The following ALK variants were observed in gnomAD, a reference collection of about 807,000 sequenced individuals.
ALK encodes the protein ALK receptor tyrosine kinase.
In ALK, 74 loss-of-function variants were observed where a neutral mutation model predicts 163.1. The observed-to-expected ratio is 0.45, with a 90% CI of 0.38 to 0.55. The LOEUF (loss-of-function observed/expected upper bound fraction) is 0.55. Among genes scored for constraint, ALK ranks in the 20% least tolerant of loss-of-function variants. ALK has a pLI of 0.00. For missense variants in ALK, 2,063 were observed against 2,105.3 expected (o/e 0.98, Z 0.39); for synonymous variants, 960 against 843.2 (o/e 1.14, Z -2.40).
intron 26 of ALK, 62 bp downstream of exon 26, chr2:29,207,109 C>A (rs2148151743): frequency 7.4e-7 from 1 of 1,354,462 alleles, no homozygotes; most frequent in Non-Finnish European, 1.1e-6. Flanking sequence ...GTATAGAGTC[C>A]TTTGGCCCAG....
At chr2:29,324,089 C>G (rs553352966) in intron 6 of ALK, among the ~76,000 whole-genome samples, 1 of 152,348 alleles carries the variant, frequency 6.6e-6, no homozygotes, top group African/African-American at 2.4e-5. Flanking sequence ...ACTGTTCTAA[C>G]CAACCCCCTT....
chr2:29,437,598 A>C (rs1317946050), intron 4 of ALK, among the ~76,000 whole-genome samples: 3 of 152,320 alleles, frequency 2.0e-5, no homozygotes, highest in East Asian at 3.9e-4. Context: ...TCCTCATTCT[A>C]GTCTTTCTTC....
intron 4 of ALK, among the ~76,000 whole-genome samples, chr2:29,395,092 A>C (rs902952210): frequency 6.6e-6 from 1 of 152,160 alleles, no homozygotes; most frequent in Non-Finnish European, 1.5e-5. Context: ...GCCCATGCTC[A>C]AATGATTCCA....
chr2:29,459,555 T>C (rs1332918293), intron 4 of ALK, among the ~76,000 whole-genome samples: 1 of 147,830 alleles, frequency 6.8e-6, no homozygotes, highest in Non-Finnish European at 1.5e-5. Flanking sequence ...GGGCATGTTC[T>C]AGCTAATGAT....
intron 1 of ALK, among the ~76,000 whole-genome samples, chr2:29,791,917 G>A (rs1664200194): frequency 6.6e-6 from 1 of 152,158 alleles, no homozygotes; most frequent in African/African-American, 2.4e-5. Flanking sequence ...GATGCACTAA[G>A]TTATCTGAAA....
intron 3 of ALK, among the ~76,000 whole-genome samples, chr2:29,589,773 A>G (rs762625473): frequency 4.6e-5 from 7 of 152,240 alleles, no homozygotes; most frequent in Non-Finnish European, 8.8e-5. Context: ...TCAGAATGCT[A>G]TTACCTAGAT....
At chr2:29,463,609 T>C (rs1338418213) in intron 4 of ALK, among the ~76,000 whole-genome samples, 3 of 152,228 alleles carry the variant, frequency 2.0e-5, no homozygotes, top group African/African-American at 7.2e-5. Context: ...GTGACACTTA[T>C]AATTTTTCCA....
At chr2:29,300,016 T>C (rs1036182166) in intron 8 of ALK, among the ~76,000 whole-genome samples, 1 of 152,224 alleles carries the variant, frequency 6.6e-6, no homozygotes, top group Non-Finnish European at 1.5e-5. Flanking sequence ...CTAGCTGCTC[T>C]GATGGCAGAA....
At chr2:29,384,087 A>T (rs1030952513) in intron 4 of ALK, among the ~76,000 whole-genome samples, 3 of 152,204 alleles carry the variant, frequency 2.0e-5, no homozygotes, top group African/African-American at 7.2e-5. Flanking sequence ...TCACGAACCC[A>T]GTCTCACCAC....
chr2:29,431,328 G>C (rs924827476), intron 4 of ALK, among the ~76,000 whole-genome samples: 10 of 152,148 alleles, frequency 6.6e-5, no homozygotes, highest in Admixed American at 6.5e-4. Context: ...ACAAGACAGA[G>C]GACCACAGTG....
At chr2:29,354,770 T>TTC (rs1283565682) in intron 5 of ALK, among the ~76,000 whole-genome samples, 2 of 148,984 alleles carry the variant, frequency 1.3e-5, no homozygotes, top group Non-Finnish European at 3.0e-5. Flanking sequence ...TCTTTTTCTT[T>TTC]TTTTTTTTTT....
intron 4 of ALK, among the ~76,000 whole-genome samples, chr2:29,523,127 G>C (rs1049788929): frequency 6.6e-6 from 1 of 152,100 alleles, no homozygotes; most frequent in Admixed American, 6.5e-5. Context: ...CCGGGCAGGA[G>C]GGGGAGGAAG....
chr2:29,510,036 C>A (rs1349667008), intron 4 of ALK, among the ~76,000 whole-genome samples: 1 of 152,164 alleles, frequency 6.6e-6, no homozygotes, highest in Non-Finnish European at 1.5e-5. Flanking sequence ...AAGCTTGACA[C>A]TGGGTTTGGG....
At chr2:29,290,617 G>A (rs906074374) in intron 9 of ALK, among the ~76,000 whole-genome samples, 1 of 152,234 alleles carries the variant, frequency 6.6e-6, no homozygotes, top group Non-Finnish European at 1.5e-5. Flanking sequence ...TGTGGCTGGG[G>A]TCTCCTGTTG....
At chr2:29,484,908 T>C (rs138182355) in intron 4 of ALK, among the ~76,000 whole-genome samples, 29 of 152,352 alleles carry the variant, frequency 1.9e-4, no homozygotes, top group Middle Eastern at 3.4e-3. Context: ...AGGTTGGATG[T>C]CTTTCTGATT....
In ALK at chr2:29,214,093, CAG is replaced by C. The variant is rs1409369598; in HGVS notation, c.3646-14_3646-13del. ...GAGGAGGGCTGGCTCTGTGGGGAGA[CAG>C]AAGCGGGCCACTGACGAGGAGCTTG... On this transcript the variant is annotated splice_polypyrimidine_tract_variant and intron_variant, in intron 23 of 28. Coordinates refer to ENST00000389048, the MANE Select transcript of ALK (RefSeq NM_004304.5). The C allele has an allele frequency of 1.2e-6, 2 of 1,612,044 alleles. No homozygotes were observed. The highest frequency in any genetic ancestry group is 1.7e-6 in the Non-Finnish European group (2 of 1,178,220).
At chr2:29,400,415 G>C (rs140358809) in intron 4 of ALK, among the ~76,000 whole-genome samples, 112 of 152,116 alleles carry the variant, frequency 7.4e-4, no homozygotes, top group African/African-American at 2.7e-3. Flanking sequence ...GACCCTTCTC[G>C]CTTTGGTCCA....
chr2:29,234,576 A>C (rs899507342), intron 13 of ALK, among the ~76,000 whole-genome samples: 2 of 152,064 alleles, frequency 1.3e-5, no homozygotes, highest in African/African-American at 4.8e-5. Flanking sequence ...CCCTGCAATC[A>C]GGTAGTCTGG....
In ALK at chr2:29,193,839, C is replaced by G. The variant is rs55782189; in HGVS notation, c.4248G>C (p.Lys1416Asn). ...GGAGAGGAGGAACCCCCTCAGGGTC[C>G]TTGGGCCTCACAGGCACTTTCTCTT... ...EEEEKVPVRP[K>N]DPEGVPPLLV... is the part of the protein sequence containing the mutation. Residue 1416 changes from lysine (K) to asparagine (N), a missense_variant, in exon 29 of 29, where the codon AAG (lysine) becomes AAC (asparagine). Physicochemically the swap from Lys to Asn is moderately conservative, Grantham distance 94. Coordinates refer to ENST00000389048, the MANE Select transcript of ALK (RefSeq NM_004304.5). 5 of 1,612,502 alleles carry G rather than the reference C, an allele frequency of 3.1e-6. No individual in the cohort carries two copies. The highest frequency in any genetic ancestry group is 1.1e-5 in the South Asian group (1 of 90,794).
Sources: gnomAD v4.1 joint callset for allele counts (sites outside exome capture counted in the v4.1 genomes callset) on GRCh38, gnomAD v4.1.1 for gene constraint, MANE v1.5 for transcripts, NCBI Gene and HGNC (gene_info 2026-07-23, HGNC 2026-07-21) for gene names.